GHRL: variants seen among roughly 807,000 people sequenced by gnomAD.
GHRL encodes the protein ghrelin and obestatin prepropeptide, also known as appetite-regulating hormone.
A neutral mutation model predicts 16.9 loss-of-function variants in GHRL; 24 were observed. That is an observed-to-expected ratio of 1.42 (90% CI 1.03 to 2.00). The LOEUF is 2.00. GHRL is among the 30% of genes most tolerant of loss of function. The pLI is 0.00. For missense variants in GHRL, 193 were observed against 142.1 expected (o/e 1.36, Z -1.82); for synonymous variants, 63 against 58.2 (o/e 1.08, Z -0.37).
rs778423066 is a variant in GHRL at position 10,285,920 on chromosome 3, A to G, written c.335-26T>C. On this transcript the variant is annotated intron_variant, in intron 5 of 5. Coordinates refer to ENST00000335542, the MANE Select transcript of GHRL (RefSeq NM_016362.5). The stretch of plus-strand genomic sequence containing the variant: ...CTGGAAAGCAAGAGGTTGAGTAAGA[A>G]TGCTGGGTGCACCGTCCTGCTAGTG... The G allele has an allele frequency of 1.9e-6, 3 of 1,609,264 alleles. No homozygotes were observed. The East Asian group carries it at 6.7e-5, about 36-fold the overall frequency.
rs771527525 is a variant in GHRL at position 10,290,077 on chromosome 3, ACT to A, written c.102_103del (p.Arg34SerfsTer37). 101 of 1,611,612 alleles carry A rather than the reference ACT, an allele frequency of 6.3e-5. No homozygotes were observed. The highest frequency in any genetic ancestry group is 9.3e-5 in the African/African-American group (7 of 74,910). Reference sequence around the variant, plus strand: ...GGCTTTGTGGGGAGGTCTCACCTGGACTCTCTGGTGTTCAGGGCTCAGGAAGC... The same window carrying A: ...GGCTTTGTGGGGAGGTCTCACCTGGACTCTGGTGTTCAGGGCTCAGGAAGC... On this transcript the variant is annotated frameshift_variant, in exon 3 of 6. Transcript: ENST00000335542. LOFTEE classifies it high-confidence loss of function.
At chr3:10,287,063 T>C (rs1396755847) in intron 4 of GHRL, 2 of 334,362 alleles carry the variant, frequency 6.0e-6, no homozygotes, top group Non-Finnish European at 1.1e-5. Flanking sequence ...TAGCCTCTAA[T>C]GGGATTGCTG....
At chr3:10,290,300 G>A in intron 2 of GHRL, 91 bp from the exon 3 acceptor site, 2 of 1,298,794 alleles carry the variant, frequency 1.5e-6, no homozygotes, top group Non-Finnish European at 2.1e-6. Context: ...GGCGTGAAGG[G>A]CTTTACCATC....
chr3:10,285,798 G>C lies in GHRL; in HGVS notation c.*77C>G, dbSNP rs1251237406. On this transcript the variant is annotated 3_prime_UTR_variant, in exon 6 of 6. Transcript: ENST00000335542. The stretch of plus-strand genomic sequence containing the variant: ...TCCTGAGCTTGTACAACAGTCGTGG[G>C]AGTTGCTGCAGAAGCAAGCGAAAAG... 5 of 1,117,480 alleles carry C rather than the reference G, an allele frequency of 4.5e-6. No homozygotes were observed. In the South Asian group the frequency reaches 6.2e-5, roughly 14 times the overall value. The allele number at this position is 1,117,480 out of a possible 1,614,324, so 69.2% of individuals were successfully genotyped here.
Position 10,290,742 on chromosome 3 carries a change from T to C in GHRL, c.-56A>G. ...TGCAGTTCCTGGCGGAGGTGGTGCC[T>C]GGTGGCTGTCAGGTCCTTATATAGG... On this transcript the variant is annotated 5_prime_UTR_variant, in exon 2 of 6. Transcript: ENST00000335542. 5.0e-6 allele frequency: 5 copies of C among 997,918 alleles called. No homozygotes were observed. Among genetic ancestry groups the C allele is most frequent in the South Asian group, 4.6e-5 (1 of 21,536 alleles). The allele number at this position is 997,918 out of a possible 1,614,324, so 61.8% of individuals were successfully genotyped here. A position where few individuals can be genotyped will look rare whatever the true frequency, so the allele number is the denominator to read the frequency against.
intron 4 of GHRL, 85 bp from the exon 5 acceptor site, chr3:10,286,897 C>T (rs1415827083): frequency 9.9e-6 from 8 of 804,234 alleles, no homozygotes; most frequent in East Asian, 2.6e-5. Context: ...CTCTCTGCCT[C>T]TCTTCAGGAG....
rs1357625059 is a variant in GHRL, at chr3:10,290,762, T to C, written c.-76A>G. 2.0e-6 allele frequency: 2 copies of C among 993,436 alleles called. No individual in the cohort carries two copies. Among genetic ancestry groups the C allele is most frequent in the Non-Finnish European group, 2.4e-6 (2 of 835,032 alleles). The allele number at this position is 993,436 out of a possible 1,614,324, so 61.5% of individuals were successfully genotyped here. A position where few individuals can be genotyped will look rare whatever the true frequency, so the allele number is the denominator to read the frequency against. ...GTGCCTGGTGGCTGTCAGGTCCTTA[T>C]ATAGGATGACTGGCGTTTGTTCTAA... is the stretch of plus-strand genomic sequence containing the variant. On this transcript the variant is annotated 5_prime_UTR_variant, in exon 2 of 6. It adds an upstream start codon to the 5' untranslated region. Coordinates refer to ENST00000335542, the MANE Select transcript of GHRL (RefSeq NM_016362.5).
rs979321712 is a variant in GHRL, at chr3:10,291,471, G to A, written c.-765-20C>T. ...TTGGACCTGGAGGTGGAAGATCTAC[G>A]CTTAGCACGGGCCTGGCTCCTCTCT... On this transcript the variant is annotated intron_variant, in intron 1 of 5. Transcript: ENST00000335542. 30 of 985,102 alleles carry A rather than the reference G, an allele frequency of 3.0e-5. No individual in the cohort carries two copies. Among genetic ancestry groups the A allele is most frequent in the South Asian group, 4.7e-5 (1 of 21,284 alleles). 61.0% of individuals were successfully genotyped at this position (985,102 alleles called of 1,614,324 possible). A position where few individuals can be genotyped will look rare whatever the true frequency, so the allele number is the denominator to read the frequency against.
chr3:10,286,655 A>G (rs1699115260), intron 5 of GHRL, 49 bp downstream of exon 5: 1 of 965,112 alleles, frequency 1.0e-6, no homozygotes, highest in Non-Finnish European at 1.7e-6. Context: ...GTGAACTCCC[A>G]TGTGGGGCTG....
Position 10,291,425 on chromosome 3 carries a change from C to T in GHRL, c.-739G>A, listed in dbSNP as rs1287082165. 1.0e-6 allele frequency: 1 copy of T among 985,404 alleles called. No individual in the cohort carries two copies. Among genetic ancestry groups the T allele is most frequent in the Non-Finnish European group, 1.2e-6 (1 of 830,002 alleles). The allele number at this position is 985,404 out of a possible 1,614,324, so 61.0% of individuals were successfully genotyped here. The stretch of plus-strand genomic sequence containing the variant: ...CTTTGGTCCCTATTTTAGCGGATGC[C>T]TCTTCTGAGAGGGAAGTGCATTGGA... On this transcript the variant is annotated 5_prime_UTR_variant, in exon 2 of 6. Transcript: ENST00000335542.
At chr3:10,286,981 T>C (rs1699180890) in intron 4 of GHRL, 169 bp from the exon 5 acceptor site, 1 of 564,720 alleles carries the variant, frequency 1.8e-6, no homozygotes, top group East Asian at 3.0e-5. Flanking sequence ...TCTTCCTTTC[T>C]CAGGACCACA....
chr3:10,291,453 T>C lies in GHRL; in HGVS notation c.-765-2A>G. Reference sequence around the variant, plus strand: ...TTCTGAGAGGGAAGTGCATTGGACCTGGAGGTGGAAGATCTACGCTTAGCA... The same window carrying C: ...TTCTGAGAGGGAAGTGCATTGGACCCGGAGGTGGAAGATCTACGCTTAGCA... On this transcript the variant is annotated splice_acceptor_variant, in intron 1 of 5. Coordinates refer to ENST00000335542, the MANE Select transcript of GHRL (RefSeq NM_016362.5). LOFTEE classifies it low-confidence loss of function (5UTR_SPLICE). 1.0e-6 allele frequency: 1 copy of C among 985,502 alleles called. No individual in the cohort carries two copies. Among genetic ancestry groups the C allele is most frequent in the Non-Finnish European group, 1.2e-6 (1 of 829,978 alleles). The allele number at this position is 985,502 out of a possible 1,614,324, so 61.0% of individuals were successfully genotyped here.
In GHRL at chr3:10,291,467, C is replaced by T. The variant is rs1473415891; in HGVS notation, c.-765-16G>A. On this transcript the variant is annotated splice_polypyrimidine_tract_variant and intron_variant, in intron 1 of 5. Transcript: ENST00000335542. ...TGCATTGGACCTGGAGGTGGAAGAT[C>T]TACGCTTAGCACGGGCCTGGCTCCT... 1.0e-6 allele frequency: 1 copy of T among 985,368 alleles called. No individual in the cohort carries two copies. The highest frequency in any genetic ancestry group is 1.2e-6 in the Non-Finnish European group (1 of 829,966). 61.0% of individuals were successfully genotyped at this position (985,368 alleles called of 1,614,324 possible). A position where few individuals can be genotyped will look rare whatever the true frequency, so the allele number is the denominator to read the frequency against.
In GHRL at chr3:10,286,780, C is replaced by A; in HGVS notation, c.258G>T (p.Leu86=). The A allele has an allele frequency of 6.2e-7, 1 of 1,613,020 alleles. No homozygotes were observed. Among genetic ancestry groups the A allele is most frequent in the Non-Finnish European group, 8.5e-7 (1 of 1,178,988 alleles). ...TGTGCTGCTGGTACTGAACCCCTGACAGCTTGATTCCAACATCAAAGGGGG... is the reference window on the plus strand; with the variant it reads ...TGTGCTGCTGGTACTGAACCCCTGAAAGCTTGATTCCAACATCAAAGGGGG... ...FNAPFDVGIK[L]SGVQYQQHSQ... Residue 86 remains leucine, a synonymous_variant, in exon 5 of 6, where the codon CTG becomes CTT. Coordinates refer to ENST00000335542, the MANE Select transcript of GHRL (RefSeq NM_016362.5).
At chr3:10,289,708 CCT>C (rs1699649676) in intron 4 of GHRL, 52 bp downstream of exon 4, 15 of 1,141,868 alleles carry the variant, frequency 1.3e-5, no homozygotes, top group Non-Finnish European at 2.0e-5. Flanking sequence ...CTCCCTCTCC[CCT>C]GACCCCACCC....
At position 10,291,225 on chromosome 3, in the gene GHRL, G is replaced by A. The variant is rs532857987; in HGVS notation, c.-539C>T. On this transcript the variant is annotated 5_prime_UTR_variant, in exon 2 of 6. Coordinates refer to ENST00000335542, the MANE Select transcript of GHRL (RefSeq NM_016362.5). ...CAGGCTGGTGATTCTACACCTTCCC[G>A]AGGAGGAGTCCCACCTCCCGGTTGA... is the stretch of plus-strand genomic sequence containing the variant. The A allele has an allele frequency of 4.0e-5, 39 of 985,562 alleles. No homozygotes were observed. The South Asian group carries it at 7.5e-4, about 19-fold the overall frequency. The allele number at this position is 985,562 out of a possible 1,614,324, so 61.1% of individuals were successfully genotyped here.
intron 5 of GHRL, 149 bp downstream of exon 5, chr3:10,286,555 A>C (rs1277843507): frequency 2.1e-5 from 12 of 581,916 alleles, no homozygotes; most frequent in Non-Finnish European, 3.1e-5. Flanking sequence ...CACAAATACT[A>C]GCCAACCACT....
Position 10,290,976 on chromosome 3 carries a change from C to G in GHRL, c.-290G>C. 1.0e-6 allele frequency: 1 copy of G among 985,752 alleles called. No homozygotes were observed. The allele number at this position is 985,752 out of a possible 1,614,324, so 61.1% of individuals were successfully genotyped here. On this transcript the variant is annotated 5_prime_UTR_variant, in exon 2 of 6. Coordinates refer to ENST00000335542, the MANE Select transcript of GHRL (RefSeq NM_016362.5). ...CCTGGAACACGGTGGCGGGGTGCCC[C>G]AAGTGGGCATGGCCCTGGTGGAGGA...
chr3:10,289,543 A>G (rs954669679), intron 4 of GHRL, among the ~76,000 whole-genome samples: 1 of 151,938 alleles, frequency 6.6e-6, no homozygotes, highest in South Asian at 2.1e-4. Flanking sequence ...TTCCGTCCCT[A>G]TTCTGTTGTA....
Sources: allele counts gnomAD v4.1 joint callset (sites outside exome capture counted in the v4.1 genomes callset), GRCh38; gene constraint gnomAD v4.1.1; transcripts MANE v1.5; gene names NCBI Gene and HGNC (gene_info 2026-07-23, HGNC 2026-07-21).